The following HSF5 variants were observed in gnomAD, a reference collection of about 807,000 sequenced individuals.
The protein encoded by HSF5 is heat shock factor protein 5.
HSF5 carries 5 observed loss-of-function variants against 50.8 expected under a neutral mutation model. That is an observed-to-expected ratio of 0.10 (90% CI 0.05 to 0.21). The LOEUF (loss-of-function observed/expected upper bound fraction) is 0.21. Among genes scored for constraint, HSF5 ranks in the 10% least tolerant of loss-of-function variants. The probability of loss-of-function intolerance (pLI) is 1.00; values close to 1 mark genes in which losing one functional copy is unlikely to be tolerated. For synonymous variants in HSF5, 307 were observed against 307.4 expected (o/e 1.00, Z 0.02); for missense variants, 564 against 762.6 (o/e 0.74, Z 3.07).
At chr17:58,473,813 A>C (rs1974977946) in intron 2 of HSF5, among the ~76,000 whole-genome samples, 1 of 152,238 alleles carries the variant, frequency 6.6e-6, no homozygotes, top group African/African-American at 2.4e-5. Context: ...TATAAAATTC[A>C]AAATTTACTG....
chr17:58,473,151 T>G, intron 2 of HSF5, among the ~76,000 whole-genome samples: 1 of 152,174 alleles, frequency 6.6e-6, no homozygotes, highest in East Asian at 1.9e-4. Context: ...CTCAGTTTCC[T>G]CATCTTTAAA....
intron 1 of HSF5, among the ~76,000 whole-genome samples, chr17:58,482,709 CAAAAAAAAAAAAAA>C (rs34783781): frequency 1.5e-4 from 2 of 13,462 alleles, no homozygotes; most frequent in African/African-American, 3.1e-4. Flanking sequence ...GACTCCATCT[CAAAAAAAAAAAAAA>C]AAAAAAAAAA....
At chr17:58,435,930 T>C (rs1369349146) in intron 5 of HSF5, among the ~76,000 whole-genome samples, 4 of 150,028 alleles carry the variant, frequency 2.7e-5, no homozygotes, top group Admixed American at 6.6e-5. Flanking sequence ...GTAAATGTTA[T>C]AAAAATAGCT....
At chr17:58,428,101 A>G (rs1302092435) in intron 5 of HSF5, among the ~76,000 whole-genome samples, 2 of 152,240 alleles carry the variant, frequency 1.3e-5, no homozygotes, top group African/African-American at 4.8e-5. Context: ...ACAATTAAAA[A>G]ATGTAAAAAC....
chr17:58,477,797 TAAGTA>T (rs982768040), intron 2 of HSF5, among the ~76,000 whole-genome samples: 7 of 152,026 alleles, frequency 4.6e-5, no homozygotes, highest in African/African-American at 1.7e-4. Flanking sequence ...TCTTCTACTT[TAAGTA>T]AATATCTTTT....
intron 5 of HSF5, among the ~76,000 whole-genome samples, chr17:58,423,059 T>C (rs1292934135): frequency 6.6e-6 from 1 of 152,148 alleles, no homozygotes; most frequent in African/African-American, 2.4e-5. Context: ...AAAGTGAATA[T>C]ACACATACAA....
chr17:58,474,372 T>G (rs958331178), intron 2 of HSF5, among the ~76,000 whole-genome samples: 1 of 152,174 alleles, frequency 6.6e-6, no homozygotes, highest in African/African-American at 2.4e-5. Context: ...GATTTCTTAT[T>G]CTCATAATCT....
At chr17:58,432,747 A>C (rs965532722) in intron 5 of HSF5, among the ~76,000 whole-genome samples, 4 of 152,220 alleles carry the variant, frequency 2.6e-5, no homozygotes, top group African/African-American at 7.2e-5. Flanking sequence ...GATTTAAGAG[A>C]TCACTCTGGC....
intron 2 of HSF5, among the ~76,000 whole-genome samples, chr17:58,475,980 T>G (rs1242901901): frequency 6.6e-6 from 1 of 151,998 alleles, no homozygotes; most frequent in Non-Finnish European, 1.5e-5. Flanking sequence ...TTGAGAATCA[T>G]GGTGTAGAGA....
At chr17:58,484,332 C>T (rs1219391539) in intron 1 of HSF5, among the ~76,000 whole-genome samples, 4 of 152,086 alleles carry the variant, frequency 2.6e-5, no homozygotes, top group African/African-American at 9.7e-5. Flanking sequence ...TCTTTAAATG[C>T]TGACCAACTG....
At chr17:58,468,468 A>G (rs1243237176) in intron 2 of HSF5, among the ~76,000 whole-genome samples, 1 of 152,198 alleles carries the variant, frequency 6.6e-6, no homozygotes, top group Non-Finnish European at 1.5e-5. Flanking sequence ...GAAATGTAAC[A>G]TTTGTAGTTT....
intron 5 of HSF5, among the ~76,000 whole-genome samples, chr17:58,427,921 G>A (rs1246003817): frequency 1.3e-5 from 2 of 152,200 alleles, no homozygotes; most frequent in Non-Finnish European, 2.9e-5. Context: ...TGGCCCATAT[G>A]GTCCCTATGG....
intron 2 of HSF5, among the ~76,000 whole-genome samples, chr17:58,469,098 GA>G (rs60851317): frequency 3.7e-3 from 443 of 120,988 alleles, no homozygotes; most frequent in Middle Eastern, 4.7e-3. Context: ...CTCGGGAAGG[GA>G]AAAAAAAAAA....
chr17:58,486,718 A>C (rs574743863), intron 1 of HSF5, among the ~76,000 whole-genome samples: 1 of 152,240 alleles, frequency 6.6e-6, no homozygotes, highest in East Asian at 1.9e-4. Context: ...AAGGTATATA[A>C]ACAACGTCTA....
At chr17:58,471,149 G>A (rs1481992451) in intron 2 of HSF5, among the ~76,000 whole-genome samples, 2 of 152,118 alleles carry the variant, frequency 1.3e-5, no homozygotes, top group East Asian at 3.8e-4. Context: ...CAGTGGTGAT[G>A]GTGAATGTAC....
At chr17:58,476,999 A>ATGTC (rs1975021690) in intron 2 of HSF5, 1 of 582,000 alleles carries the variant, frequency 1.7e-6, no homozygotes. Flanking sequence ...CTAAGGGAAC[A>ATGTC]GGCAGGCAGC....
In HSF5 at chr17:58,446,997, C is replaced by T. The variant is rs866739376; in HGVS notation, c.1720+11771G>A. On this transcript the variant is annotated intron_variant, in intron 5 of 5. Coordinates refer to ENST00000323777, the MANE Select transcript of HSF5 (RefSeq NM_001080439.3). ...AAAATTAGCCAGGTGTGGTGGCACACGCCTGTAGTCCCAGCTACTTGGGAG... is the reference window on the plus strand; with the variant it reads ...AAAATTAGCCAGGTGTGGTGGCACATGCCTGTAGTCCCAGCTACTTGGGAG... 3.2e-4 allele frequency among the ~76,000 whole-genome samples: 49 copies of T among 152,214 alleles called. 1 individual carries two copies. The highest frequency in any genetic ancestry group is 9.1e-4 in the Admixed American group (14 of 15,306).
In HSF5 at chr17:58,463,194, T is replaced by C; in HGVS notation, c.1130A>G (p.Gln377Arg). The C allele has an allele frequency of 6.2e-7, 1 of 1,614,220 alleles. No individual in the cohort carries two copies. The highest frequency in any genetic ancestry group is 1.1e-5 in the South Asian group (1 of 91,090). The change falls in exon 4 of 6, where the codon CAG becomes CGG. Residue 377 changes from glutamine (Q) to arginine (R), a missense_variant. Physicochemically the swap from Gln to Arg is conservative, Grantham distance 43 (BLOSUM62 1). Coordinates refer to ENST00000323777, the MANE Select transcript of HSF5 (RefSeq NM_001080439.3). ...GGAGGAATGCAACTCATCAACTATC[T>C]GAAAGACAGCCTCTAGGTTTACTTC... ...KTEVNLEAVF[Q>R]IVDELHSSPK...
chr17:58,457,334 C>G (rs996806163), intron 5 of HSF5, among the ~76,000 whole-genome samples: 7 of 151,128 alleles, frequency 4.6e-5, no homozygotes, highest in African/African-American at 1.7e-4. Flanking sequence ...CATGGTGGCT[C>G]ATGCCTGTAA....
Sources: allele counts gnomAD v4.1 joint callset (sites outside exome capture counted in the v4.1 genomes callset), GRCh38; gene constraint gnomAD v4.1.1; transcripts MANE v1.5; gene names NCBI Gene and HGNC (gene_info 2026-07-23, HGNC 2026-07-21).